The following AGFG1 variants were observed in gnomAD, a reference collection of about 807,000 sequenced individuals.
AGFG1 encodes the protein ArfGAP with FG repeats 1.
A neutral mutation model predicts 60.6 loss-of-function variants in AGFG1; 10 were observed. That is an observed-to-expected ratio of 0.16 (90% CI 0.10 to 0.28). The LOEUF (loss-of-function observed/expected upper bound fraction) is 0.28, where lower values mean the gene tolerates loss of function less well. AGFG1 is among the 10% of genes least tolerant of loss of function. The probability of loss-of-function intolerance (pLI) is 1.00; values close to 1 mark genes in which losing one functional copy is unlikely to be tolerated. For missense variants in AGFG1, 537 were observed against 676.5 expected (o/e 0.79, Z 2.29); for synonymous variants, 247 against 242.9 (o/e 1.02, Z -0.16).
intron 2 of AGFG1, among the ~76,000 whole-genome samples, chr2:227,499,955 T>G (rs778518071): frequency 6.6e-6 from 1 of 152,230 alleles, no homozygotes; most frequent in Non-Finnish European, 1.5e-5. Flanking sequence ...TTTTCATTGC[T>G]CTGGCATCAG....
At chr2:227,474,858 C>T in intron 1 of AGFG1, among the ~76,000 whole-genome samples, 1 of 152,184 alleles carries the variant, frequency 6.6e-6, no homozygotes, top group East Asian at 1.9e-4. Flanking sequence ...GAGAATGTCA[C>T]TCAATCTATT....
chr2:227,473,599 A>G (rs1690189468), intron 1 of AGFG1, among the ~76,000 whole-genome samples: 1 of 152,154 alleles, frequency 6.6e-6, no homozygotes, highest in Non-Finnish European at 1.5e-5. Context: ...TTTCATTCGG[A>G]AAATTTGCAG....
chr2:227,558,424 A>G lies in AGFG1; in HGVS notation c.*3929A>G, dbSNP rs903799686. ...TTTTTTTAACTTTAGAAGTAAATTA[A>G]TATGGTAACTAGTGGAGCGTGCTTT... On this transcript the variant is annotated 3_prime_UTR_variant, in exon 13 of 13. Transcript: ENST00000310078. 2 of 152,104 alleles carry G rather than the reference A, an allele frequency of 1.3e-5. No homozygotes were observed. Among genetic ancestry groups the G allele is most frequent in the African/African-American group, 4.8e-5 (2 of 41,428 alleles). 9.4% of individuals were successfully genotyped at this position (152,104 alleles called of 1,614,324 possible).
Position 227,491,482 on chromosome 2 carries a change from C to T in AGFG1, c.168-65C>T, listed in dbSNP as rs1690815300. ...TGTTGGTTAGAAATATTTTGAATTA[C>T]TAGATGTGTCATTTTAAAAATGTGG... On this transcript the variant is annotated intron_variant, in intron 1 of 12. Transcript: ENST00000310078. 4.1e-6 allele frequency: 4 copies of T among 977,168 alleles called. No homozygotes were observed. The Admixed American group carries it at 8.0e-5, about 20-fold the overall frequency. The allele number at this position is 977,168 out of a possible 1,614,324, so 60.5% of individuals were successfully genotyped here.
At position 227,472,546 on chromosome 2, in the gene AGFG1, T is replaced by C. The variant is rs759474822; in HGVS notation, c.125T>C (p.Met42Thr). 3.8e-6 allele frequency: 6 copies of C among 1,578,310 alleles called. No individual in the cohort carries two copies. The highest frequency in any genetic ancestry group is 2.5e-5 in the East Asian group (1 of 40,354). The change falls in exon 1 of 13, where the codon ATG becomes ACG. Residue 42 changes from methionine to threonine, a missense_variant. Met to Thr is a moderately conservative substitution (Grantham distance 81). Coordinates refer to ENST00000310078, the MANE Select transcript of AGFG1 (RefSeq NM_004504.5). The part of the protein sequence containing the change: ...CDQRGPTYVN[M>T]TVGSFVCTSC... The stretch of plus-strand genomic sequence containing the variant: ...CAGCGCGGCCCCACCTACGTTAACA[T>C]GACGGTCGGCTCCTTCGTGTGTACC...
rs141759447 is a variant in AGFG1 at position 227,547,080 on chromosome 2, C to T, written c.1379-4879C>T. Among the ~76,000 whole-genome samples, 735 of 152,290 alleles carry T rather than the reference C, an allele frequency of 4.8e-3. 12 individuals are homozygous for T. The highest frequency in any genetic ancestry group is 0.017 in the African/African-American group (700 of 41,558). ...TTCTGAACCAACACTGTTTTTGTTC[C>T]AGTACAGTTGCCTCCATATTTATAC... is the stretch of plus-strand genomic sequence containing the variant. On this transcript the variant is annotated intron_variant, in intron 10 of 12. Coordinates refer to ENST00000310078, the MANE Select transcript of AGFG1 (RefSeq NM_004504.5).
rs1692146876 is a variant in AGFG1, at chr2:227,531,190, C to A, written c.794C>A (p.Pro265His). 1 of 1,613,576 alleles carries A rather than the reference C, an allele frequency of 6.2e-7. No individual in the cohort carries two copies. The highest frequency in any genetic ancestry group is 1.3e-5 in the African/African-American group (1 of 74,894). ...GGTTTCCCCACAGCAAGTCACTCTC[C>A]TTTTCAGCCCCAAACTACAGGTAGA... ...FGGFPTASHSPFQPQTTGGSA... is the reference protein window; with the variant it reads ...FGGFPTASHSHFQPQTTGGSA... The change falls in exon 6 of 13, where the codon CCT (proline) becomes CAT (histidine). Residue 265 changes from proline (P) to histidine (H), a missense_variant. Physicochemically the swap from Pro to His is moderately conservative, Grantham distance 77 (BLOSUM62 -2). Coordinates refer to ENST00000310078, the MANE Select transcript of AGFG1 (RefSeq NM_004504.5).
At chr2:227,474,302 C>T (rs554120686) in intron 1 of AGFG1, among the ~76,000 whole-genome samples, 3 of 152,136 alleles carry the variant, frequency 2.0e-5, no homozygotes, top group Non-Finnish European at 4.4e-5. Flanking sequence ...AACACAGGTC[C>T]TTTAATCCAT....
intron 2 of AGFG1, among the ~76,000 whole-genome samples, chr2:227,499,598 C>T (rs1691087193): frequency 6.6e-6 from 1 of 151,134 alleles, no homozygotes; most frequent in Admixed American, 6.6e-5. Context: ...CAAGATGGCA[C>T]CACTGTACTC....
In AGFG1 at chr2:227,519,476, C is replaced by T. The variant is rs568790167; in HGVS notation, c.262-472C>T. ...TATTGGACCAAAAATGCATAGGAGA[C>T]AGCTATAAAGCTAATAGTGTGTTTG... On this transcript the variant is annotated intron_variant, in intron 2 of 12. Transcript: ENST00000310078. Among the ~76,000 whole-genome samples the T allele has an allele frequency of 3.3e-5, 5 of 152,256 alleles. No individual in the cohort carries two copies. The South Asian group carries it at 1.0e-3, about 32-fold the overall frequency.
intron 10 of AGFG1, among the ~76,000 whole-genome samples, chr2:227,547,346 TC>T (rs143480354): frequency 0.019 from 2,821 of 152,308 alleles, 87 homozygotes; most frequent in African/African-American, 0.064. Context: ...TTGTGCTCTT[TC>T]CCTCTCAATT....
chr2:227,559,650 G>A lies in AGFG1; in HGVS notation c.*5155G>A, dbSNP rs895452200. 2 of 152,054 alleles carry A rather than the reference G, an allele frequency of 1.3e-5. No homozygotes were observed. Among genetic ancestry groups the A allele is most frequent in the African/African-American group, 4.8e-5 (2 of 41,418 alleles). 9.4% of individuals were successfully genotyped at this position (152,054 alleles called of 1,614,324 possible). The stretch of plus-strand genomic sequence containing the variant: ...TGCCCATAGATTAATTTTTTAATCG[G>A]TTCTCTGAAATCTTGAGATGTTATC... On this transcript the variant is annotated 3_prime_UTR_variant, in exon 13 of 13. Coordinates refer to ENST00000310078, the MANE Select transcript of AGFG1 (RefSeq NM_004504.5).
intron 5 of AGFG1, among the ~76,000 whole-genome samples, chr2:227,526,619 C>T (rs1487503156): frequency 2.0e-5 from 3 of 149,010 alleles, no homozygotes; most frequent in Non-Finnish European, 3.0e-5. Context: ...CTTGGCTTAC[C>T]GCAACCTCTG....
At chr2:227,537,493 A>G (rs1692347986) in intron 10 of AGFG1, among the ~76,000 whole-genome samples, 1 of 152,088 alleles carries the variant, frequency 6.6e-6, no homozygotes, top group African/African-American at 2.4e-5. Flanking sequence ...AACATTTTTT[A>G]AGTTGTGGAA....
chr2:227,551,862 T>G, intron 10 of AGFG1, 97 bp from the exon 11 acceptor site: 1 of 1,434,056 alleles, frequency 7.0e-7, no homozygotes, highest in Non-Finnish European at 9.5e-7. Flanking sequence ...CATCTTAGTA[T>G]TTTTCAAGGT....
intron 2 of AGFG1, among the ~76,000 whole-genome samples, chr2:227,518,349 A>G (rs755376659): frequency 3.9e-5 from 6 of 152,172 alleles, no homozygotes; most frequent in Admixed American, 2.6e-4. Flanking sequence ...TGCTAGGTCT[A>G]TGTTTAACTC....
intron 3 of AGFG1, among the ~76,000 whole-genome samples, chr2:227,521,340 T>A (rs529650009): frequency 1.3e-5 from 2 of 152,340 alleles, no homozygotes; most frequent in Admixed American, 1.3e-4. Flanking sequence ...GTGCTGGGAT[T>A]ACAGTTGTGA....
chr2:227,472,787 G>A (rs940928322), intron 1 of AGFG1, among the ~76,000 whole-genome samples, 199 bp downstream of exon 1: 3 of 151,938 alleles, frequency 2.0e-5, no homozygotes, highest in Non-Finnish European at 4.4e-5. Context: ...GCCGGGCTGG[G>A]GATGCGTTTT....
intron 5 of AGFG1, among the ~76,000 whole-genome samples, chr2:227,529,388 G>A (rs1044869244): frequency 6.6e-6 from 1 of 152,124 alleles, no homozygotes; most frequent in Non-Finnish European, 1.5e-5. Flanking sequence ...TGATACGACT[G>A]ATGGAACCAT....
Sources: gnomAD v4.1 joint callset for allele counts (sites outside exome capture counted in the v4.1 genomes callset) on GRCh38, gnomAD v4.1.1 for gene constraint, MANE v1.5 for transcripts, NCBI Gene and HGNC (gene_info 2026-07-23, HGNC 2026-07-21) for gene names.